RIMS2: variants seen among roughly 807,000 people sequenced by gnomAD.
The protein encoded by RIMS2 is regulating synaptic membrane exocytosis protein 2.
RIMS2 carries 59 observed loss-of-function variants against 174.4 expected under a neutral mutation model. That is an observed-to-expected ratio of 0.34 (90% confidence interval 0.27 to 0.42). RIMS2 has a LOEUF of 0.42. RIMS2 is among the 10% of genes least tolerant of loss of function. The pLI, the probability that RIMS2 is intolerant of heterozygous loss-of-function variation, is 1.00. For synonymous variants in RIMS2, 606 were observed against 572.5 expected (o/e 1.06, Z -0.84); for missense variants, 1,620 against 1,666.3 (o/e 0.97, Z 0.48).
At chr8:104,081,152 T>C (rs984900088) in intron 19 of RIMS2, among the ~76,000 whole-genome samples, 4 of 152,020 alleles carry the variant, frequency 2.6e-5, no homozygotes, top group Non-Finnish European at 5.9e-5. Context: ...TGATTGGCCA[T>C]TTTCAGGTCA....
intron 19 of RIMS2, among the ~76,000 whole-genome samples, chr8:104,089,157 A>G (rs1598565812): frequency 6.6e-6 from 1 of 152,084 alleles, no homozygotes; most frequent in East Asian, 1.9e-4. Flanking sequence ...TCCATTAAAG[A>G]GAATGGTTAA....
intron 3 of RIMS2, among the ~76,000 whole-genome samples, chr8:103,809,329 G>A (rs3104249): frequency 0.81 from 123,262 of 151,822 alleles, 50,509 homozygotes; most frequent in African/African-American, 0.92. Flanking sequence ...AAGGTAACCT[G>A]TTATTACAAG....
At chr8:103,577,406 A>G (rs1942663573) in intron 1 of RIMS2, among the ~76,000 whole-genome samples, 1 of 152,150 alleles carries the variant, frequency 6.6e-6, no homozygotes, top group Non-Finnish European at 1.5e-5. Context: ...GATAAGTGGG[A>G]GTTGAACAGT....
chr8:103,571,252 C>T (rs550385418), intron 1 of RIMS2, among the ~76,000 whole-genome samples: 3 of 152,242 alleles, frequency 2.0e-5, no homozygotes, highest in Middle Eastern at 3.4e-3. Flanking sequence ...AAACATCATA[C>T]CTATGTTCAA....
At chr8:103,585,524 C>A (rs190485302) in intron 1 of RIMS2, among the ~76,000 whole-genome samples, 1 of 152,220 alleles carries the variant, frequency 6.6e-6, no homozygotes, top group Non-Finnish European at 1.5e-5. Flanking sequence ...AAATGTGGCA[C>A]ATATATACCA....
rs371343761 is a variant in RIMS2 at position 103,629,552 on chromosome 8, G to T, written c.177-67534G>T. 1.5e-4 allele frequency among the ~76,000 whole-genome samples: 23 copies of T among 152,194 alleles called. No individual in the cohort carries two copies. In the East Asian group the frequency reaches 3.9e-3, roughly 26 times the overall value. On this transcript the variant is annotated intron_variant, in intron 1 of 23. Coordinates refer to ENST00000504942, the Ensembl canonical transcript of RIMS2. ...AGGAAGTAAAAAAATAGGAAGAAGG[G>T]TGTCATAAAATAATATGTAAAAGGT...
At chr8:104,017,035 G>A (rs11786671) in intron 19 of RIMS2, among the ~76,000 whole-genome samples, 19,439 of 151,606 alleles carry the variant, frequency 0.13, 1,702 homozygotes, top group Non-Finnish European at 0.19. Context: ...AAATAAAAGG[G>A]GTTTTGTTTT....
chr8:103,569,847 G>A (rs994386854), intron 1 of RIMS2, among the ~76,000 whole-genome samples: 1 of 150,414 alleles, frequency 6.6e-6, no homozygotes, highest in African/African-American at 2.4e-5. Flanking sequence ...TTCGCAGGCT[G>A]GTCTTGAACT....
At chr8:103,759,362 G>A (rs190970032) in intron 2 of RIMS2, among the ~76,000 whole-genome samples, 3 of 151,974 alleles carry the variant, frequency 2.0e-5, no homozygotes, top group South Asian at 2.1e-4. Flanking sequence ...TCAGGAGATC[G>A]AGACCATCCT....
Position 103,848,261 on chromosome 8 carries a change from G to GTGAA in RIMS2, c.699-37036_699-37033dup, listed in dbSNP as rs2098978569. On this transcript the variant is annotated intron_variant, in intron 3 of 23. Transcript: ENST00000504942. ...AAGGCCAACACTGAATGAGGCTGCAGTGAAGAAGCACTCAATTTTTAGTTT... is the reference window on the plus strand; with the variant it reads ...AAGGCCAACACTGAATGAGGCTGCAGTGAATGAAGAAGCACTCAATTTTTAGTTT... 3.9e-5 allele frequency among the ~76,000 whole-genome samples: 6 copies of GTGAA among 152,188 alleles called. No individual in the cohort carries two copies. In the South Asian group the frequency reaches 1.2e-3, roughly 32 times the overall value.
At chr8:104,070,981 A>G (rs924113580) in intron 19 of RIMS2, among the ~76,000 whole-genome samples, 2 of 152,108 alleles carry the variant, frequency 1.3e-5, no homozygotes, top group Non-Finnish European at 1.5e-5. Context: ...CATGTGGGCT[A>G]TATGTCAACA....
intron 19 of RIMS2, among the ~76,000 whole-genome samples, chr8:104,208,399 C>G (rs954552914): frequency 6.6e-6 from 1 of 151,924 alleles, no homozygotes; most frequent in Non-Finnish European, 1.5e-5. Flanking sequence ...GAAACCCTGT[C>G]TCTACTAAAA....
At chr8:103,899,643 C>A (rs2099315775) in intron 4 of RIMS2, among the ~76,000 whole-genome samples, 2 of 151,624 alleles carry the variant, frequency 1.3e-5, no homozygotes, top group Admixed American at 1.3e-4. Flanking sequence ...GGGTAGATTG[C>A]AAAAATTTTC....
chr8:103,893,154 A>T (rs2099257034), intron 4 of RIMS2, among the ~76,000 whole-genome samples: 1 of 152,070 alleles, frequency 6.6e-6, no homozygotes, highest in Non-Finnish European at 1.5e-5. Context: ...TATTTCTTTC[A>T]GCTAAAATAT....
At chr8:103,529,721 C>T (rs368262038) in intron 1 of RIMS2, among the ~76,000 whole-genome samples, 11 of 152,336 alleles carry the variant, frequency 7.2e-5, no homozygotes, top group South Asian at 4.1e-4. Flanking sequence ...GTGTCGCTCA[C>T]GCTGGGAGCT....
At chr8:104,185,015 G>A (rs1233974802) in intron 19 of RIMS2, among the ~76,000 whole-genome samples, 1 of 151,390 alleles carries the variant, frequency 6.6e-6, no homozygotes, top group African/African-American at 2.4e-5. Context: ...GCTAGCGTCT[G>A]TTATGACTGG....
chr8:103,939,704 CTTA>C (rs1249210744), intron 13 of RIMS2, among the ~76,000 whole-genome samples: 3 of 152,144 alleles, frequency 2.0e-5, no homozygotes, highest in African/African-American at 7.2e-5. Flanking sequence ...CTCTGCTTCC[CTTA>C]TAAAACTAAA....
chr8:103,923,570 G>A (rs979532244), intron 10 of RIMS2, among the ~76,000 whole-genome samples: 1 of 151,744 alleles, frequency 6.6e-6, no homozygotes, highest in Non-Finnish European at 1.5e-5. Flanking sequence ...CTAAATTTAT[G>A]TATAATGATG....
At chr8:104,032,853 T>A (rs1191259736) in intron 19 of RIMS2, among the ~76,000 whole-genome samples, 2 of 152,024 alleles carry the variant, frequency 1.3e-5, no homozygotes, top group African/African-American at 4.8e-5. Flanking sequence ...TCCTTCTGTA[T>A]TCCAAACATT....
Sources: allele counts gnomAD v4.1 joint callset (sites outside exome capture counted in the v4.1 genomes callset), GRCh38; gene constraint gnomAD v4.1.1; transcripts MANE v1.5; gene names NCBI Gene and HGNC (gene_info 2026-07-23, HGNC 2026-07-21).